EPHB2: variants seen among roughly 807,000 people sequenced by gnomAD.
The protein encoded by EPHB2 is EPH receptor B2.
In EPHB2, 18 loss-of-function variants were observed where a neutral mutation model predicts 96.4. The ratio of observed to expected loss-of-function variants is 0.19; its 90% CI spans 0.13 to 0.28. The LOEUF is 0.28. EPHB2 is among the 10% of genes least tolerant of loss of function. The pLI is 1.00. For missense variants in EPHB2, 989 were observed against 1,355.4 expected, an observed-to-expected ratio of 0.73 and a Z score of 4.25; for synonymous variants, 506 against 534.1, an observed-to-expected ratio of 0.95 and a Z score of 0.72.
Position 22,817,496 on chromosome 1 carries a change from A to G in EPHB2, c.811+32420A>G, listed in dbSNP as rs367872549. ...CATATGGACCATCCTGTGGCCACAC[A>G]TGCCCACAGGCTCCTTCCTGTTCAG... On this transcript the variant is annotated intron_variant, in intron 3 of 15. Coordinates refer to ENST00000374630, the MANE Select transcript of EPHB2 (RefSeq NM_017449.5). Among the ~76,000 whole-genome samples, 21 of 152,326 alleles carry G rather than the reference A, an allele frequency of 1.4e-4. No individual in the cohort carries two copies. In the East Asian group the frequency reaches 3.9e-3, roughly 28 times the overall value.
chr1:22,775,655 G>T (rs1293653203), intron 1 of EPHB2, among the ~76,000 whole-genome samples: 1 of 152,240 alleles, frequency 6.6e-6, no homozygotes, highest in African/African-American at 2.4e-5. Context: ...ATAGCCAGAG[G>T]GGCCATCGGG....
In EPHB2 at chr1:22,860,631, C is replaced by T. The variant is rs1400983009; in HGVS notation, c.812-2406C>T. ...ACTGGCGGCCCCCCCGGGAATGCCC[C>T]GCAGATGGAGGAGGGATGCTGAGCT... On this transcript the variant is annotated intron_variant, in intron 3 of 15. Coordinates refer to ENST00000374630, the MANE Select transcript of EPHB2 (RefSeq NM_017449.5). This position sits in a 1 kb window ranked among gnomAD's most constrained non-coding sequence, Gnocchi z 4.6. Among the ~76,000 whole-genome samples, 3 of 152,102 alleles carry T rather than the reference C, an allele frequency of 2.0e-5. No homozygotes were observed. Among genetic ancestry groups the T allele is most frequent in the East Asian group, 1.9e-4 (1 of 5,172 alleles).
chr1:22,779,334 A>C (rs1477498038), intron 1 of EPHB2, among the ~76,000 whole-genome samples: 1 of 151,898 alleles, frequency 6.6e-6, no homozygotes, highest in Non-Finnish European at 1.5e-5. Context: ...GCCAGCCCCC[A>C]GTGCAAAGGG....
intron 3 of EPHB2, among the ~76,000 whole-genome samples, chr1:22,830,210 G>A (rs1382377722): frequency 6.6e-6 from 1 of 152,196 alleles, no homozygotes; most frequent in Non-Finnish European, 1.5e-5. Flanking sequence ...TGCACTGAGG[G>A]GTGCTGGCTG....
chr1:22,886,609 G>A (rs544083343), intron 6 of EPHB2, among the ~76,000 whole-genome samples: 1 of 150,106 alleles, frequency 6.7e-6, no homozygotes. Context: ...GATGGCAAAT[G>A]CCAGCAGAGT....
intron 13 of EPHB2, among the ~76,000 whole-genome samples, chr1:22,909,790 G>T (rs1458305893): frequency 6.6e-6 from 1 of 152,190 alleles, no homozygotes; most frequent in African/African-American, 2.4e-5. Context: ...CACAGGGAGG[G>T]TGACCCACAG....
intron 1 of EPHB2, among the ~76,000 whole-genome samples, chr1:22,749,825 C>T (rs868692822): frequency 1.3e-5 from 2 of 152,104 alleles, no homozygotes; most frequent in South Asian, 4.1e-4. Context: ...TCAGCTGGTC[C>T]CTGCCCTCAT....
intron 3 of EPHB2, among the ~76,000 whole-genome samples, chr1:22,838,670 T>G (rs1183745735): frequency 1.3e-5 from 2 of 152,192 alleles, no homozygotes; most frequent in Middle Eastern, 3.2e-3. Context: ...GGCTCACGCC[T>G]GTAATCCCAG....
intron 1 of EPHB2, among the ~76,000 whole-genome samples, chr1:22,725,922 C>T (rs1643571171): frequency 6.6e-6 from 1 of 152,176 alleles, no homozygotes. Flanking sequence ...GTCCCAGAAG[C>T]CTCTGCTGCC....
chr1:22,726,032 A>G (rs1235514936), intron 1 of EPHB2, among the ~76,000 whole-genome samples: 2 of 152,000 alleles, frequency 1.3e-5, no homozygotes, highest in Admixed American at 6.6e-5. Context: ...CCTTCTCACA[A>G]TCCCACCCTC....
chr1:22,849,616 C>A (rs1454287130), intron 3 of EPHB2, among the ~76,000 whole-genome samples: 1 of 152,192 alleles, frequency 6.6e-6, no homozygotes, highest in Non-Finnish European at 1.5e-5. Flanking sequence ...TCCTCTCTGC[C>A]CTGAGCAAGG....
At position 22,715,075 on chromosome 1, in the gene EPHB2, CG is replaced by C. The variant is rs144391889; in HGVS notation, c.61+4035del. Among the ~76,000 whole-genome samples the C allele has an allele frequency of 9.8e-3, 1,487 of 152,228 alleles. 33 individuals carry two copies. Among genetic ancestry groups the C allele is most frequent in the African/African-American group, 0.033 (1,357 of 41,518 alleles). On this transcript the variant is annotated intron_variant, in intron 1 of 15. Transcript: ENST00000374630. The stretch of plus-strand genomic sequence containing the variant: ...GTGCCTAGAACTGTGCCCAGCCATG[CG>C]GGTGCTCAGTAACGGAATGACATTG...
At chr1:22,749,457 C>T (rs1349968058) in intron 1 of EPHB2, among the ~76,000 whole-genome samples, 2 of 152,326 alleles carry the variant, frequency 1.3e-5, no homozygotes, top group East Asian at 3.9e-4. Context: ...GGTCTGGGCA[C>T]ATGATAAAGA....
rs146497252 is a variant in EPHB2 at position 22,777,169 on chromosome 1, G to T, written c.62-4252G>T. On this transcript the variant is annotated intron_variant, in intron 1 of 15. Transcript: ENST00000374630. ...GTGAGAAGGTCAGAAGGAACAGTAT[G>T]TGTGAGGTACAAGGGTGAGAAAACA... Among the ~76,000 whole-genome samples the T allele has an allele frequency of 2.5e-3, 385 of 152,344 alleles. 2 individuals are homozygous for T. The highest frequency in any genetic ancestry group is 8.8e-3 in the African/African-American group (366 of 41,586).
At chr1:22,806,571 C>G (rs75535999) in intron 3 of EPHB2, among the ~76,000 whole-genome samples, 4 of 152,218 alleles carry the variant, frequency 2.6e-5, no homozygotes, top group African/African-American at 7.2e-5. Context: ...TCCCAGGCCC[C>G]AGGATCCCAG....
intron 1 of EPHB2, among the ~76,000 whole-genome samples, chr1:22,720,381 G>A (rs1485142686): frequency 6.6e-6 from 1 of 152,144 alleles, no homozygotes; most frequent in African/African-American, 2.4e-5. Context: ...AAATTTAATG[G>A]TGGGTTATCC....
chr1:22,901,144 G>A (rs994049283), intron 9 of EPHB2, among the ~76,000 whole-genome samples: 1 of 152,194 alleles, frequency 6.6e-6, no homozygotes, highest in African/African-American at 2.4e-5. Flanking sequence ...ACATTAAAGT[G>A]CTTTGGAATA....
At chr1:22,729,396 C>T (rs1467775542) in intron 1 of EPHB2, among the ~76,000 whole-genome samples, 3 of 152,234 alleles carry the variant, frequency 2.0e-5, no homozygotes, top group Non-Finnish European at 2.9e-5. Context: ...AGAATTGGAT[C>T]ATGAATCAAG....
chr1:22,877,679 G>T (rs1439722061), intron 5 of EPHB2, among the ~76,000 whole-genome samples: 2 of 152,210 alleles, frequency 1.3e-5, no homozygotes, highest in African/African-American at 4.8e-5. Flanking sequence ...GCAAGCAGCC[G>T]CGTGGCAGGT....
Sources: gnomAD v4.1 joint callset for allele counts (sites outside exome capture counted in the v4.1 genomes callset) on GRCh38, gnomAD v4.1.1 for gene constraint, Gnocchi (gnomAD v3.1) non-coding constraint, MANE v1.5 for transcripts, NCBI Gene and HGNC (gene_info 2026-07-23, HGNC 2026-07-21) for gene names.